PLA2G15: variants seen among roughly 807,000 people sequenced by gnomAD.
The protein encoded by PLA2G15 is phospholipase A2 group XV.
In PLA2G15, 20 loss-of-function variants were observed where a neutral mutation model predicts 40.9. That is an observed-to-expected ratio of 0.49 (90% CI 0.34 to 0.71). PLA2G15 has a LOEUF of 0.71. PLA2G15 is among the 30% of genes least tolerant of loss of function. The pLI, the probability that PLA2G15 is intolerant of heterozygous loss-of-function variation, is 0.01. For missense variants in PLA2G15, 471 were observed against 541.9 expected (o/e 0.87, Z 1.30); for synonymous variants, 223 against 228.2 (o/e 0.98, Z 0.21).
chr16:68,249,472 G>A (rs140565334), intron 2 of PLA2G15, 26 bp downstream of exon 2: 20 of 1,610,838 alleles, frequency 1.2e-5, no homozygotes, highest in African/African-American at 2.7e-5. Flanking sequence ...CACAGAGGGG[G>A]GTGCTGCTCA....
In PLA2G15 at chr16:68,255,568, G is replaced by A; in HGVS notation, c.502+188G>A. On this transcript the variant is annotated intron_variant, in intron 4 of 5. Transcript: ENST00000219345. The surrounding 1 kb of genome is among the most constrained non-coding windows in gnomAD (Gnocchi z 5.9). The stretch of plus-strand genomic sequence containing the variant: ...TATCCTGTCCTCCATTTCCCACCCT[G>A]GGACCTCTGGGCCTGTGAGCCCTGG... 1.6e-6 allele frequency: 1 copy of A among 641,414 alleles called. No homozygotes were observed. The highest frequency in any genetic ancestry group is 1.9e-5 in the South Asian group (1 of 51,476). The allele number at this position is 641,414 out of a possible 1,614,324, so 39.7% of individuals were successfully genotyped here.
intron 5 of PLA2G15, 132 bp downstream of exon 5, chr16:68,256,122 C>A: frequency 1.7e-6 from 1 of 594,102 alleles, no homozygotes; most frequent in Non-Finnish European, 2.9e-6. Context: ...GCAAATCTAC[C>A]CCTAAAAGTC....
intron 2 of PLA2G15, among the ~76,000 whole-genome samples, chr16:68,251,392 T>A (rs1228573930): frequency 6.6e-6 from 1 of 152,028 alleles, no homozygotes; most frequent in Admixed American, 6.6e-5. Flanking sequence ...AAATTAAAAG[T>A]TTTTCCTGGT....
intron 2 of PLA2G15, chr16:68,252,622 C>T (rs1254683861): frequency 3.9e-5 from 18 of 455,786 alleles, no homozygotes; most frequent in South Asian, 9.3e-5. Flanking sequence ...TATGAGATCA[C>T]GTGTGTGGTG....
chr16:68,255,978 G>A lies in PLA2G15; in HGVS notation c.715G>A (p.Val239Ile), dbSNP rs752888337. The change falls in exon 5 of 6, where the codon GTC (valine) becomes ATC (isoleucine). Residue 239 changes from valine (V) to isoleucine (I), a missense_variant. Coordinates refer to ENST00000219345, the MANE Select transcript of PLA2G15 (RefSeq NM_012320.4). This position sits in a 1 kb window ranked among gnomAD's most constrained non-coding sequence, Gnocchi z 5.9. ...PWGGVAKTLRVLASGDNNRIP... is the reference protein window; with the variant it reads ...PWGGVAKTLRILASGDNNRIP... ...GGGGGGCGTGGCCAAGACCCTGCGCGTCCTGGCTTCAGGTAAGACCCTACC... is the reference window on the plus strand; with the variant it reads ...GGGGGGCGTGGCCAAGACCCTGCGCATCCTGGCTTCAGGTAAGACCCTACC... The A allele has an allele frequency of 2.4e-4, 386 of 1,603,118 alleles. No homozygotes were observed. Among genetic ancestry groups the A allele is most frequent in the Non-Finnish European group, 3.1e-4 (360 of 1,173,512 alleles).
intron 1 of PLA2G15, among the ~76,000 whole-genome samples, chr16:68,245,764 T>C (rs1212569412): frequency 6.6e-6 from 1 of 152,116 alleles, no homozygotes. Flanking sequence ...TGGTAGAAAA[T>C]GGGGGTGAGT....
chr16:68,254,678 TTGGCCAGGC>T, intron 2 of PLA2G15: 1 of 386,122 alleles, frequency 2.6e-6, no homozygotes, highest in Non-Finnish European at 4.7e-6. Flanking sequence ...TTTCACCATA[TTGGCCAGGC>T]TGGTTTCAAA....
Position 68,259,240 on chromosome 16 carries a change from C to T in PLA2G15, c.822C>T (p.Tyr274=), listed in dbSNP as rs933146287. The T allele has an allele frequency of 2.5e-6, 4 of 1,613,952 alleles. No individual in the cohort carries two copies. Among genetic ancestry groups the T allele is most frequent in the African/African-American group, 1.3e-5 (1 of 75,078 alleles). ...VSTSWLLPYN[Y]TWSPEKVFVQ... ...CCAGCTGGCTGCTGCCCTACAACTA[C>T]ACATGGTCACCTGAGAAGGTGTTCG... Residue 274 remains tyrosine (Y), a synonymous_variant, in exon 6 of 6, where the codon TAC becomes TAT. Coordinates refer to ENST00000219345, the MANE Select transcript of PLA2G15 (RefSeq NM_012320.4). This position sits in a 1 kb window ranked among gnomAD's most constrained non-coding sequence, Gnocchi z 6.5.
rs1034701677 is a variant in PLA2G15 at position 68,260,851 on chromosome 16, G to A, written c.*1194G>A. Reference sequence around the variant, plus strand: ...CTAAGTGGGTGACTGGCCACAGGCCGAGAAAAGGGTACAGCCTCTAGGTGG... The same window carrying A: ...CTAAGTGGGTGACTGGCCACAGGCCAAGAAAAGGGTACAGCCTCTAGGTGG... On this transcript the variant is annotated 3_prime_UTR_variant, in exon 6 of 6. Transcript: ENST00000219345. 3 of 152,474 alleles carry A rather than the reference G, an allele frequency of 2.0e-5. No homozygotes were observed. The highest frequency in any genetic ancestry group is 2.1e-4 in the South Asian group (1 of 4,834). 9.4% of individuals were successfully genotyped at this position (152,474 alleles called of 1,614,324 possible). A position where few individuals can be genotyped will look rare whatever the true frequency, so the allele number is the denominator to read the frequency against.
intron 2 of PLA2G15, among the ~76,000 whole-genome samples, chr16:68,250,505 T>G (rs2042346908): frequency 1.3e-5 from 2 of 151,806 alleles, no homozygotes; most frequent in South Asian, 4.2e-4. Context: ...TCTACTGACC[T>G]TGTGATCCGC....
intron 2 of PLA2G15, chr16:68,254,682 C>T: frequency 2.5e-6 from 1 of 406,908 alleles, no homozygotes; most frequent in Non-Finnish European, 4.4e-6. Flanking sequence ...ACCATATTGG[C>T]CAGGCTGGTT....
At position 68,259,197 on chromosome 16, in the gene PLA2G15, A is replaced by G; in HGVS notation, c.779A>G (p.Gln260Arg). 1 of 1,613,800 alleles carries G rather than the reference A, an allele frequency of 6.2e-7. No homozygotes were observed. Among genetic ancestry groups the G allele is most frequent in the Middle Eastern group, 1.6e-4 (1 of 6,062 alleles). ...GGGCCCCTGAAGATCCGGGAGCAGC[A>G]GCGGTCAGCTGTCTCCACCAGCTGG... ...VIGPLKIREQ[Q>R]RSAVSTSWLL... is the part of the protein sequence containing the mutation. Residue 260 changes from glutamine (Q) to arginine (R), a missense_variant, in exon 6 of 6, where the codon CAG becomes CGG. Coordinates refer to ENST00000219345, the MANE Select transcript of PLA2G15 (RefSeq NM_012320.4). The surrounding 1 kb of genome is among the most constrained non-coding windows in gnomAD (Gnocchi z 6.5).
At chr16:68,245,671 C>A in intron 1 of PLA2G15, 118 bp downstream of exon 1, 1 of 1,201,002 alleles carries the variant, frequency 8.3e-7, no homozygotes. Flanking sequence ...TGGTATCTGT[C>A]TTGTCACTTA....
chr16:68,245,602 G>T, intron 1 of PLA2G15, 49 bp downstream of exon 1: 1 of 1,536,600 alleles, frequency 6.5e-7, no homozygotes, highest in Non-Finnish European at 8.7e-7. Flanking sequence ...GGGACGGGCC[G>T]CGGGCGGGGC....
In PLA2G15 at chr16:68,249,336, G is replaced by A. The variant is rs777148397; in HGVS notation, c.174G>A (p.Pro58=). Residue 58 remains proline (P), a synonymous_variant, in exon 2 of 6, where the codon CCG becomes CCA. Transcript: ENST00000219345. ...GNQLEAKLDK[P]TVVHYLCSKK... Reference sequence around the variant, plus strand: ...AACTGGAAGCCAAGCTGGACAAGCCGACAGTGGTGCACTACCTCTGCTCCA... The same window carrying A: ...AACTGGAAGCCAAGCTGGACAAGCCAACAGTGGTGCACTACCTCTGCTCCA... The A allele has an allele frequency of 1.6e-5, 26 of 1,613,934 alleles. No homozygotes were observed. The highest frequency in any genetic ancestry group is 6.7e-5 in the East Asian group (3 of 44,892).
At position 68,255,167 on chromosome 16, in the gene PLA2G15, A is replaced by C; in HGVS notation, c.404-115A>C. 2 of 980,658 alleles carry C rather than the reference A, an allele frequency of 2.0e-6. No homozygotes were observed. Among genetic ancestry groups the C allele is most frequent in the Non-Finnish European group, 3.3e-6 (2 of 615,080 alleles). The allele number at this position is 980,658 out of a possible 1,614,324, so 60.7% of individuals were successfully genotyped here. On this transcript the variant is annotated intron_variant, in intron 3 of 5. Coordinates refer to ENST00000219345, the MANE Select transcript of PLA2G15 (RefSeq NM_012320.4). The surrounding 1 kb of genome is among the most constrained non-coding windows in gnomAD (Gnocchi z 5.9). ...CTGTCTCTGATCAGCGTGGGCACAG[A>C]GCCCTGTAGCATTCTTCCAAGGACC...
intron 5 of PLA2G15, 87 bp downstream of exon 5, chr16:68,256,077 T>G (rs1182713544): frequency 1.2e-6 from 1 of 836,144 alleles, no homozygotes; most frequent in East Asian, 2.7e-5. Context: ...TGGGCCAGCA[T>G]GCCTCGTGTC....
chr16:68,253,626 C>T (rs974730985), intron 2 of PLA2G15: 14 of 279,722 alleles, frequency 5.0e-5, no homozygotes, highest in Non-Finnish European at 7.8e-5. Context: ...CCACGTGCCT[C>T]AGCCTTCCAA....
At chr16:68,253,695 T>TG (rs1555528290) in intron 2 of PLA2G15, among the ~76,000 whole-genome samples, 3 of 146,834 alleles carry the variant, frequency 2.0e-5, no homozygotes, top group African/African-American at 2.5e-5. Flanking sequence ...TGTTTTGTTT[T>TG]TTTTTTTTTT....
Sources: gnomAD v4.1 joint callset for allele counts (sites outside exome capture counted in the v4.1 genomes callset) on GRCh38, gnomAD v4.1.1 for gene constraint, Gnocchi (gnomAD v3.1) non-coding constraint, MANE v1.5 for transcripts, NCBI Gene and HGNC (gene_info 2026-07-23, HGNC 2026-07-21) for gene names.